Variants in FER observed in about 807,000 individuals in gnomAD.
FER encodes the protein FER tyrosine kinase.
Under a neutral mutation model 111.0 loss-of-function variants are expected in FER, and 63 were observed. The observed-to-expected ratio is 0.57, with a 90% CI of 0.46 to 0.70. The LOEUF (loss-of-function observed/expected upper bound fraction) is 0.70. FER is among the 30% of genes least tolerant of loss of function. The probability of loss-of-function intolerance (pLI) is 0.00; values close to 1 mark genes in which losing one functional copy is unlikely to be tolerated. For synonymous variants in FER, 327 were observed against 313.9 expected (o/e 1.04, Z -0.44); for missense variants, 914 against 954.0 (o/e 0.96, Z 0.55).
chr5:109,147,920 C>A (rs1031738594), intron 17 of FER, among the ~76,000 whole-genome samples: 1 of 151,380 alleles, frequency 6.6e-6, no homozygotes. Flanking sequence ...TTCCATTGAC[C>A]AATCACTTTC....
intron 3 of FER, among the ~76,000 whole-genome samples, chr5:108,819,481 G>A (rs547939831): frequency 6.6e-6 from 1 of 152,200 alleles, no homozygotes; most frequent in African/African-American, 2.4e-5. Context: ...GTGACTTTAG[G>A]CAGATTAATT....
At chr5:108,941,781 A>C (rs756477575) in intron 10 of FER, among the ~76,000 whole-genome samples, 1 of 152,174 alleles carries the variant, frequency 6.6e-6, no homozygotes, top group Non-Finnish European at 1.5e-5. Context: ...AATTTACAAA[A>C]AACGTATTTT....
At chr5:109,176,032 A>AT (rs1443206367) in intron 17 of FER, among the ~76,000 whole-genome samples, 1 of 152,216 alleles carries the variant, frequency 6.6e-6, no homozygotes, top group Non-Finnish European at 1.5e-5. Flanking sequence ...GGATGCAGAG[A>AT]AAAGGAAGCT....
At chr5:109,083,090 T>G (rs1040520725) in intron 16 of FER, among the ~76,000 whole-genome samples, 6 of 152,050 alleles carry the variant, frequency 3.9e-5, no homozygotes, top group African/African-American at 1.2e-4. Flanking sequence ...AAGAAATAAT[T>G]AATGATATGC....
At position 109,191,649 on chromosome 5, in the gene FER, CTAAG is replaced by C. The variant is rs1208598962; in HGVS notation, c.*4076_*4079del. Reference sequence around the variant, plus strand: ...GAGTTTATATTACATTTCCATTATACTAAGTCAGTGTGAAAGTTTACCATCAAAA... The same window carrying C: ...GAGTTTATATTACATTTCCATTATACTCAGTGTGAAAGTTTACCATCAAAA... On this transcript the variant is annotated 3_prime_UTR_variant, in exon 20 of 20. Coordinates refer to ENST00000281092, the MANE Select transcript of FER (RefSeq NM_005246.4). 6.6e-6 allele frequency: 1 copy of C among 152,066 alleles called. No homozygotes were observed. Among genetic ancestry groups the C allele is most frequent in the East Asian group, 1.9e-4 (1 of 5,200 alleles). 9.4% of individuals were successfully genotyped at this position (152,066 alleles called of 1,614,324 possible).
At chr5:108,846,569 C>G (rs527490231) in intron 5 of FER, among the ~76,000 whole-genome samples, 1 of 151,678 alleles carries the variant, frequency 6.6e-6, no homozygotes, top group East Asian at 1.9e-4. Flanking sequence ...CTTTATTCAC[C>G]TTTTTATTTA....
chr5:109,076,468 C>T (rs745778107), intron 16 of FER, among the ~76,000 whole-genome samples: 5 of 152,026 alleles, frequency 3.3e-5, no homozygotes, highest in Admixed American at 6.6e-5. Context: ...CTTGCTCTGT[C>T]GCCAGGCTTG....
At position 108,780,073 on chromosome 5, in the gene FER, C is replaced by T. The variant is rs957154333; in HGVS notation, c.-60+11835C>T. On this transcript the variant is annotated intron_variant, in intron 2 of 19. Transcript: ENST00000281092. ...ACTGAGAGTGAGAAAAACACATAAG[C>T]ATACATAATCAAATATATTGTTGCT... Among the ~76,000 whole-genome samples the T allele has an allele frequency of 2.6e-5, 4 of 152,180 alleles. 1 individual carries two copies. Among genetic ancestry groups the T allele is most frequent in the Non-Finnish European group, 5.9e-5 (4 of 68,012 alleles).
chr5:109,183,248 G>GT (rs10682212), intron 18 of FER, among the ~76,000 whole-genome samples: 19,835 of 115,118 alleles, frequency 0.17, 2,315 homozygotes, highest in African/African-American at 0.18. Flanking sequence ...ATCCTAGCGT[G>GT]TTTTTTTTTT....
intron 13 of FER, among the ~76,000 whole-genome samples, chr5:109,014,624 C>A (rs1188196097): frequency 6.6e-6 from 1 of 152,088 alleles, no homozygotes; most frequent in Admixed American, 6.6e-5. Context: ...TGAAGAAAGT[C>A]ATTGGTAGCT....
At position 108,798,124 on chromosome 5, in the gene FER, A is replaced by C; in HGVS notation, c.-59A>C. 2.4e-6 allele frequency: 3 copies of C among 1,266,296 alleles called. No homozygotes were observed. The highest frequency in any genetic ancestry group is 2.3e-6 in the Non-Finnish European group (2 of 873,406). 78.4% of individuals were successfully genotyped at this position (1,266,296 alleles called of 1,614,324 possible). On this transcript the variant is annotated splice_region_variant and 5_prime_UTR_variant, in exon 3 of 20. Transcript: ENST00000281092. ...TTTTCTCTTTTGTTTACATACACAGATATGTGCTGATTAGAAGGCTCACTT... is the reference window on the plus strand; with the variant it reads ...TTTTCTCTTTTGTTTACATACACAGCTATGTGCTGATTAGAAGGCTCACTT...
chr5:109,094,060 G>A (rs1022319060), intron 16 of FER, among the ~76,000 whole-genome samples: 6 of 152,054 alleles, frequency 3.9e-5, no homozygotes, highest in African/African-American at 1.4e-4. Context: ...AGTGGGTTGT[G>A]AATGGGGAGG....
intron 10 of FER, among the ~76,000 whole-genome samples, chr5:108,919,214 GTTTTT>G (rs1254157855): frequency 2.2e-5 from 3 of 136,706 alleles, no homozygotes; most frequent in Non-Finnish European, 4.8e-5. Flanking sequence ...ATTTCTGCTT[GTTTTT>G]TTTTTTTAAA....
chr5:109,154,515 T>C (rs1409348846), intron 17 of FER, among the ~76,000 whole-genome samples: 1 of 151,814 alleles, frequency 6.6e-6, no homozygotes, highest in Non-Finnish European at 1.5e-5. Context: ...CATGGAAGAA[T>C]GAGTGGGTTA....
chr5:109,010,897 A>G (rs1237453194), intron 13 of FER, among the ~76,000 whole-genome samples: 1 of 152,184 alleles, frequency 6.6e-6, no homozygotes, highest in African/African-American at 2.4e-5. Context: ...GTGAAATGAA[A>G]TCAGTTTATT....
chr5:109,071,454 T>C (rs1181099719), intron 16 of FER, among the ~76,000 whole-genome samples: 1 of 152,064 alleles, frequency 6.6e-6, no homozygotes, highest in Non-Finnish European at 1.5e-5. Flanking sequence ...GATAGAAACC[T>C]ACATCACTTG....
chr5:109,108,984 C>T (rs1162010249), intron 17 of FER, among the ~76,000 whole-genome samples: 1 of 152,108 alleles, frequency 6.6e-6, no homozygotes. Context: ...ACAAGAAATC[C>T]TTTTCAGTCC....
chr5:109,067,191 TACAGTCA>T, intron 16 of FER, among the ~76,000 whole-genome samples: 1 of 152,154 alleles, frequency 6.6e-6, no homozygotes, highest in African/African-American at 2.4e-5. Flanking sequence ...TTATTTGCCA[TACAGTCA>T]GTCGTGTGTT....
chr5:109,178,739 G>C (rs1757975348), intron 17 of FER, among the ~76,000 whole-genome samples: 1 of 152,198 alleles, frequency 6.6e-6, no homozygotes. Context: ...ATCAGGTTAG[G>C]TAAGTCCTAC....
Sources: gnomAD v4.1 joint callset for allele counts (sites outside exome capture counted in the v4.1 genomes callset) on GRCh38, gnomAD v4.1.1 for gene constraint, MANE v1.5 for transcripts, NCBI Gene and HGNC (gene_info 2026-07-23, HGNC 2026-07-21) for gene names.